Variants in CNTNAP4 observed in about 807,000 individuals in gnomAD.
CNTNAP4 encodes contactin associated protein family member 4, also known as contactin-associated protein-like 4.
CNTNAP4 carries 98 observed loss-of-function variants against 148.4 expected under a neutral mutation model. That is an observed-to-expected ratio of 0.66 (90% confidence interval 0.56 to 0.78). The LOEUF (loss-of-function observed/expected upper bound fraction) is 0.78, where lower values mean the gene tolerates loss of function less well. Ranked by LOEUF, CNTNAP4 falls within the 30% of genes least tolerant of loss-of-function variation. The probability of loss-of-function intolerance (pLI) is 0.00; values close to 1 mark genes in which losing one functional copy is unlikely to be tolerated. For missense variants in CNTNAP4, 1,935 were observed against 1,565.6 expected, an observed-to-expected ratio of 1.24 and a Z score of -3.98; for synonymous variants, 730 against 565.1, an observed-to-expected ratio of 1.29 and a Z score of -4.14.
intron 3 of CNTNAP4, among the ~76,000 whole-genome samples, chr16:76,418,357 C>A (rs1399168980): frequency 4.1e-5 from 5 of 122,160 alleles, no homozygotes; most frequent in Non-Finnish European, 7.2e-5. Context: ...TTTTCTTTGT[C>A]TATTACAGCT....
rs542578099 is a variant in CNTNAP4, at chr16:76,555,859, G to T, written c.3733+1952G>T. ...CCTGAAACTAGTGATGTCTGGTTTT[G>T]GTCATTGCAGAGACTAAACTTCAGA... On this transcript the variant is annotated intron_variant, in intron 23 of 23. Transcript: ENST00000611870. Among the ~76,000 whole-genome samples, 304 of 152,252 alleles carry T rather than the reference G, an allele frequency of 2.0e-3. 2 individuals are homozygous for T. The highest frequency in any genetic ancestry group is 7.0e-3 in the African/African-American group (291 of 41,546).
intron 3 of CNTNAP4, among the ~76,000 whole-genome samples, chr16:76,384,563 G>A (rs554866532): frequency 4.6e-5 from 7 of 152,184 alleles, no homozygotes; most frequent in East Asian, 1.9e-4. Flanking sequence ...TCATTCTCCC[G>A]CACTTGGAGA....
In CNTNAP4 at chr16:76,521,175, G is replaced by A. The variant is rs774984327; in HGVS notation, c.2401G>A (p.Ala801Thr). 2 of 1,605,958 alleles carry A rather than the reference G, an allele frequency of 1.2e-6. No homozygotes were observed. The highest frequency in any genetic ancestry group is 2.3e-5 in the South Asian group (2 of 88,852). ...GAATTCAGCTTCCTTTGATACCGAG[G>A]CTTCATATCTTCATTTTCCTACCTT... ...FWNSASFDTEASYLHFPTFHG... is the reference protein window; with the variant it reads ...FWNSASFDTETSYLHFPTFHG... The change falls in exon 16 of 24, where the codon GCT (alanine) becomes ACT (threonine). Residue 801 changes from alanine (A) to threonine (T), a missense_variant. Transcript: ENST00000611870.
intron 1 of CNTNAP4, chr16:76,309,916 G>A (rs9927237): frequency 0.28 from 198,375 of 698,116 alleles, 31,835 homozygotes; most frequent in Non-Finnish European, 0.35. Flanking sequence ...TGTGAGTCCG[G>A]TTAAGTCTCT....
At chr16:76,382,408 C>A (rs1415108053) in intron 3 of CNTNAP4, among the ~76,000 whole-genome samples, 1 of 152,070 alleles carries the variant, frequency 6.6e-6, no homozygotes, top group East Asian at 1.9e-4. Flanking sequence ...AAGCTACTTT[C>A]AATGATCACA....
chr16:76,460,286 T>C (rs1242637231), intron 8 of CNTNAP4, among the ~76,000 whole-genome samples: 3 of 151,758 alleles, frequency 2.0e-5, no homozygotes, highest in Admixed American at 6.6e-5. Context: ...TTTTTGTATT[T>C]TTGGTAGAGA....
chr16:76,514,780 T>G (rs1019628752), intron 15 of CNTNAP4, among the ~76,000 whole-genome samples: 2 of 152,204 alleles, frequency 1.3e-5, no homozygotes, highest in Non-Finnish European at 2.9e-5. Flanking sequence ...CAGTGAATTA[T>G]GAAACCAATA....
At chr16:76,422,708 A>G (rs1429189307) in intron 3 of CNTNAP4, among the ~76,000 whole-genome samples, 1 of 150,970 alleles carries the variant, frequency 6.6e-6, no homozygotes, top group Non-Finnish European at 1.5e-5. Flanking sequence ...TAACCTCTAT[A>G]ATTTTCATTT....
chr16:76,556,454 T>TTACA (rs1401824696), intron 23 of CNTNAP4, among the ~76,000 whole-genome samples: 1 of 152,202 alleles, frequency 6.6e-6, no homozygotes, highest in Non-Finnish European at 1.5e-5. Context: ...AAGTGCTAAA[T>TTACA]TACATACATG....
At chr16:76,352,222 C>A (rs1171448883) in intron 2 of CNTNAP4, among the ~76,000 whole-genome samples, 4 of 152,088 alleles carry the variant, frequency 2.6e-5, no homozygotes, top group Non-Finnish European at 5.9e-5. Context: ...AGTACCAGAC[C>A]CTAGAAGTCT....
At chr16:76,460,781 T>TATATATATATATATATATATATAG (rs2080929310) in intron 8 of CNTNAP4, among the ~76,000 whole-genome samples, 1 of 64,882 alleles carries the variant, frequency 1.5e-5, no homozygotes, top group Non-Finnish European at 3.1e-5. Flanking sequence ...AAAATATATA[T>TATATATATATATATATATATATAG]ATATATATAT....
intron 1 of CNTNAP4, among the ~76,000 whole-genome samples, chr16:76,309,384 G>C (rs1306036554): frequency 6.6e-6 from 1 of 152,140 alleles, no homozygotes; most frequent in Non-Finnish European, 1.5e-5. Context: ...AAGGCAGGCA[G>C]AGGAGAGGAA....
At chr16:76,493,966 T>C (rs2082314625) in intron 13 of CNTNAP4, among the ~76,000 whole-genome samples, 1 of 152,146 alleles carries the variant, frequency 6.6e-6, no homozygotes. Flanking sequence ...GGTGACAACT[T>C]GAAGGTTTGA....
At chr16:76,281,921 T>C (rs1399945987) in intron 1 of CNTNAP4, among the ~76,000 whole-genome samples, 1 of 151,978 alleles carries the variant, frequency 6.6e-6, no homozygotes, top group African/African-American at 2.4e-5. Flanking sequence ...AATATTAGTA[T>C]TATATTTTGA....
chr16:76,535,796 A>T lies in CNTNAP4; in HGVS notation c.2995+12A>T, dbSNP rs775312461. On this transcript the variant is annotated intron_variant, in intron 18 of 23. Transcript: ENST00000611870. ...ATTCTGCTCAAATGGTAAGTGTGGC[A>T]TGGAAGACTGTAAGAGGAAAATTTA... 180 of 1,606,756 alleles carry T rather than the reference A, an allele frequency of 1.1e-4. No individual in the cohort carries two copies. The highest frequency in any genetic ancestry group is 1.5e-4 in the Non-Finnish European group (176 of 1,174,676).
In CNTNAP4 at chr16:76,448,170, A is replaced by G; in HGVS notation, c.697A>G (p.Thr233Ala). Residue 233 changes from threonine to alanine, a missense_variant, in exon 5 of 24, where the codon ACA becomes GCA. Coordinates refer to ENST00000611870, the MANE Select transcript of CNTNAP4 (RefSeq NM_033401.5). ...HREGPNGDHI[T>A]LQLRRARLFL... is the part of the protein sequence containing the mutation. Reference sequence around the variant, plus strand: ...GGAAGGGCCAAATGGAGATCACATCACACTGCAATTAAGAAGAGCAAGACT... The same window carrying G: ...GGAAGGGCCAAATGGAGATCACATCGCACTGCAATTAAGAAGAGCAAGACT... The G allele has an allele frequency of 6.2e-7, 1 of 1,613,644 alleles. No individual in the cohort carries two copies. Among genetic ancestry groups the G allele is most frequent in the Non-Finnish European group, 8.5e-7 (1 of 1,179,586 alleles).
chr16:76,373,188 C>T (rs2015035584), intron 3 of CNTNAP4, among the ~76,000 whole-genome samples: 1 of 150,372 alleles, frequency 6.7e-6, no homozygotes, highest in Non-Finnish European at 1.5e-5. Flanking sequence ...GAATATATTC[C>T]ACATAAATAG....
At chr16:76,425,292 A>G (rs1313052378) in intron 3 of CNTNAP4, among the ~76,000 whole-genome samples, 3 of 152,170 alleles carry the variant, frequency 2.0e-5, no homozygotes, top group Non-Finnish European at 4.4e-5. Flanking sequence ...GATACATTGC[A>G]ATTTGCACAT....
intron 2 of CNTNAP4, among the ~76,000 whole-genome samples, chr16:76,351,841 G>C (rs1298044460): frequency 6.6e-6 from 1 of 152,168 alleles, no homozygotes; most frequent in Non-Finnish European, 1.5e-5. Context: ...TAACTCACTA[G>C]AATCACACTG....
Sources: gnomAD v4.1 joint callset for allele counts (sites outside exome capture counted in the v4.1 genomes callset) on GRCh38, gnomAD v4.1.1 for gene constraint, MANE v1.5 for transcripts, NCBI Gene and HGNC (gene_info 2026-07-23, HGNC 2026-07-21) for gene names.